SLC25A42: variants seen among roughly 807,000 people sequenced by gnomAD.
The protein encoded by SLC25A42 is solute carrier family 25 member 42, also known as mitochondrial coenzyme A transporter SLC25A42.
In SLC25A42, 19 loss-of-function variants were observed where a neutral mutation model predicts 34.7. The observed-to-expected ratio is 0.55, with a 90% CI of 0.38 to 0.80. The LOEUF is 0.80. SLC25A42 is among the 30% of genes least tolerant of loss of function. The probability of loss-of-function intolerance (pLI) is 0.00; values close to 1 mark genes in which losing one functional copy is unlikely to be tolerated. For missense variants in SLC25A42, 364 were observed against 441.3 expected (o/e 0.82, Z 1.57); for synonymous variants, 205 against 191.2 (o/e 1.07, Z -0.59).
intron 4 of SLC25A42, 69 bp downstream of exon 4, chr19:19,105,007 G>C (rs1464146635): frequency 1.9e-5 from 30 of 1,586,464 alleles, no homozygotes; most frequent in Non-Finnish European, 2.6e-5. Context: ...GCAGGAGTTA[G>C]GCAGGTGGTC....
At chr19:19,082,568 C>T (rs563522630) in intron 1 of SLC25A42, among the ~76,000 whole-genome samples, 14 of 151,958 alleles carry the variant, frequency 9.2e-5, no homozygotes, top group Non-Finnish European at 2.1e-4. Flanking sequence ...TTTGCCATGT[C>T]GACCAGGCTG....
intron 2 of SLC25A42, 39 bp downstream of exon 2, chr19:19,096,244 G>T: frequency 6.4e-7 from 1 of 1,571,476 alleles, no homozygotes; most frequent in Non-Finnish European, 8.7e-7. Context: ...GTTCTCCTGG[G>T]GCCCCAGCCT....
In SLC25A42 at chr19:19,088,828, G is replaced by T. The variant is rs2059722981; in HGVS notation, c.-34-7263G>T. ...TTTTTCGTTTTCTTTTGTTTTTTGAGACAGCGTCTCTTTCTGACACCCAGG... is the reference window on the plus strand; with the variant it reads ...TTTTTCGTTTTCTTTTGTTTTTTGATACAGCGTCTCTTTCTGACACCCAGG... On this transcript the variant is annotated intron_variant, in intron 1 of 7. Coordinates refer to ENST00000318596, the MANE Select transcript of SLC25A42 (RefSeq NM_178526.5). Among the ~76,000 whole-genome samples the T allele has an allele frequency of 4.2e-5, 6 of 143,816 alleles. No homozygotes were observed. In the South Asian group the frequency reaches 1.1e-3, roughly 27 times the overall value. 94.3% of individuals were successfully genotyped at this position (143,816 alleles called of 152,430 possible).
Position 19,106,188 on chromosome 19 carries a change from C to G in SLC25A42, c.381-81C>G, listed in dbSNP as rs140490649. 1,666 of 1,206,576 alleles carry G rather than the reference C, an allele frequency of 1.4e-3. 48 individuals are homozygous for G. The East Asian group carries it at 0.038, about 28-fold the overall frequency. The allele number at this position is 1,206,576 out of a possible 1,614,324, so 74.7% of individuals were successfully genotyped here. A position where few individuals can be genotyped will look rare whatever the true frequency, so the allele number is the denominator to read the frequency against. On this transcript the variant is annotated intron_variant, in intron 5 of 7. Transcript: ENST00000318596. ...ACCCCTGTCCCCGCCCCAGCAGAGACGTGCGGGTGCTCCAGGCTGGGCCTC... is the reference window on the plus strand; with the variant it reads ...ACCCCTGTCCCCGCCCCAGCAGAGAGGTGCGGGTGCTCCAGGCTGGGCCTC...
At chr19:19,101,668 G>T in intron 2 of SLC25A42, 113 bp from the exon 3 acceptor site, 1 of 875,192 alleles carries the variant, frequency 1.1e-6, no homozygotes, top group Non-Finnish European at 1.8e-6. Context: ...ACTCAGGGTG[G>T]GGTACATCCC....
At chr19:19,106,671 G>T (rs964030272) in intron 6 of SLC25A42, 9 of 195,352 alleles carry the variant, frequency 4.6e-5, no homozygotes, top group Admixed American at 4.3e-4. Flanking sequence ...GGTGGCTCAC[G>T]CCTGTAATCC....
intron 4 of SLC25A42, among the ~76,000 whole-genome samples, 169 bp from the exon 5 acceptor site, chr19:19,105,392 C>G (rs2059820561): frequency 6.6e-6 from 1 of 151,720 alleles, no homozygotes; most frequent in African/African-American, 2.4e-5. Context: ...TAATGTCAGT[C>G]TGGACAAATC....
chr19:19,092,367 A>G (rs577085747), intron 1 of SLC25A42, among the ~76,000 whole-genome samples: 1 of 152,280 alleles, frequency 6.6e-6, no homozygotes, highest in South Asian at 2.1e-4. Context: ...TGCAGGGCCT[A>G]GCACACTTGT....
rs551395658 is a variant in SLC25A42, at chr19:19,108,051, G to A, written c.649+6G>A. The A allele has an allele frequency of 1.9e-6, 3 of 1,549,628 alleles. No homozygotes were observed. Among genetic ancestry groups the A allele is most frequent in the Non-Finnish European group, 2.6e-6 (3 of 1,145,462 alleles). Reference sequence around the variant, plus strand: ...GCTCAAGAGCTTGCACAGAGGTAAGGAGAGCTGGGAGCATGAGGAGGGGAC... The same window carrying A: ...GCTCAAGAGCTTGCACAGAGGTAAGAAGAGCTGGGAGCATGAGGAGGGGAC... On this transcript the variant is annotated splice_donor_region_variant and intron_variant, in intron 7 of 7. Coordinates refer to ENST00000318596, the MANE Select transcript of SLC25A42 (RefSeq NM_178526.5).
intron 1 of SLC25A42, among the ~76,000 whole-genome samples, chr19:19,084,045 C>A (rs2059694282): frequency 6.6e-6 from 1 of 150,714 alleles, no homozygotes. Flanking sequence ...CAGGGCCCTG[C>A]ACACACCTGA....
At position 19,088,674 on chromosome 19, in the gene SLC25A42, T is replaced by C. The variant is rs371598935; in HGVS notation, c.-34-7417T>C. Among the ~76,000 whole-genome samples, 5 of 144,216 alleles carry C rather than the reference T, an allele frequency of 3.5e-5. No individual in the cohort carries two copies. In the South Asian group the frequency reaches 8.5e-4, roughly 24 times the overall value. The allele number at this position is 144,216 out of a possible 152,430, so 94.6% of individuals were successfully genotyped here. On this transcript the variant is annotated intron_variant, in intron 1 of 7. Coordinates refer to ENST00000318596, the MANE Select transcript of SLC25A42 (RefSeq NM_178526.5). ...CCGACTAATTTTTTTTTTTTTTGTA[T>C]TTTTTAGTAGAGACAGGGTTTCACC...
At chr19:19,070,547 G>T (rs2059624832) in intron 1 of SLC25A42, among the ~76,000 whole-genome samples, 1 of 151,902 alleles carries the variant, frequency 6.6e-6, no homozygotes, top group Non-Finnish European at 1.5e-5. Context: ...TGCCCAACTC[G>T]GCCTCCCAAA....
Position 19,101,854 on chromosome 19 carries a change from C to T in SLC25A42, c.155C>T (p.Ala52Val). The T allele has an allele frequency of 6.2e-7, 1 of 1,613,562 alleles. No homozygotes were observed. Among genetic ancestry groups the T allele is most frequent in the Non-Finnish European group, 8.5e-7 (1 of 1,179,732 alleles). Residue 52 changes from alanine (A) to valine (V), a missense_variant, in exon 3 of 8, where the codon GCT (alanine) becomes GTT (valine). Ala to Val is a moderately conservative substitution (Grantham distance 64). Transcript: ENST00000318596. ...GGTGCCCTTGCCAAAACAGCGGTAG[C>T]TCCCCTGGACCGAACCAAAATCATC... The part of the protein sequence containing the change: ...LAGALAKTAV[A>V]PLDRTKIIFQ...
At chr19:19,097,256 C>G (rs2059770553) in intron 2 of SLC25A42, among the ~76,000 whole-genome samples, 1 of 152,204 alleles carries the variant, frequency 6.6e-6, no homozygotes. Context: ...GCGTCATCTT[C>G]CAGGCCTCCC....
At chr19:19,088,355 G>A (rs1170364186) in intron 1 of SLC25A42, among the ~76,000 whole-genome samples, 1 of 151,652 alleles carries the variant, frequency 6.6e-6, no homozygotes, top group Non-Finnish European at 1.5e-5. Flanking sequence ...ACAGGTGCCC[G>A]CCACCACGCC....
intron 1 of SLC25A42, among the ~76,000 whole-genome samples, chr19:19,092,681 C>T (rs1172048172): frequency 6.6e-6 from 1 of 152,234 alleles, no homozygotes; most frequent in Non-Finnish European, 1.5e-5. Flanking sequence ...CCTCGGGCAC[C>T]TCACCCACTG....
intron 6 of SLC25A42, among the ~76,000 whole-genome samples, chr19:19,107,523 T>G (rs2059838110): frequency 6.6e-6 from 1 of 151,746 alleles, no homozygotes; most frequent in South Asian, 2.1e-4. Flanking sequence ...CCCAGCTACT[T>G]GGGAGGCTGA....
intron 1 of SLC25A42, among the ~76,000 whole-genome samples, chr19:19,074,331 C>A (rs537800991): frequency 2.6e-4 from 40 of 152,324 alleles, no homozygotes; most frequent in African/African-American, 8.4e-4. Flanking sequence ...GGGCAGCAGC[C>A]ATTATGTAAG....
intron 7 of SLC25A42, among the ~76,000 whole-genome samples, chr19:19,108,389 A>G (rs2059845513): frequency 6.6e-6 from 1 of 152,140 alleles, no homozygotes; most frequent in Non-Finnish European, 1.5e-5. Flanking sequence ...CGTCTCTACC[A>G]AAGATACAAA....
Sources: gnomAD v4.1 joint callset for allele counts (sites outside exome capture counted in the v4.1 genomes callset) on GRCh38, gnomAD v4.1.1 for gene constraint, MANE v1.5 for transcripts, NCBI Gene and HGNC (gene_info 2026-07-23, HGNC 2026-07-21) for gene names.